Variants in SIAE observed in about 807,000 individuals in gnomAD.
SIAE encodes the protein sialate O-acetylesterase.
SIAE carries 39 observed loss-of-function variants against 52.6 expected under a neutral mutation model. That is an observed-to-expected ratio of 0.74 (90% confidence interval 0.57 to 0.97). The LOEUF is 0.97. Among genes scored for constraint, SIAE ranks in the 50% least tolerant of loss-of-function variants. The pLI is 0.00. For synonymous variants in SIAE, 233 were observed against 241.4 expected, an observed-to-expected ratio of 0.97 and a Z score of 0.32; for missense variants, 592 against 662.1, an observed-to-expected ratio of 0.89 and a Z score of 1.16.
At chr11:124,668,409 G>A (rs1326561549) in intron 2 of SIAE, among the ~76,000 whole-genome samples, 1 of 152,222 alleles carries the variant, frequency 6.6e-6, no homozygotes, top group African/African-American at 2.4e-5. Flanking sequence ...CATTAAGGAA[G>A]AGGACATATC....
rs558854684 is a variant in SIAE, at chr11:124,638,483, G to A, written c.1320+59C>T. 3.8e-5 allele frequency: 60 copies of A among 1,568,564 alleles called. 1 individual carries two copies. Among genetic ancestry groups the A allele is most frequent in the South Asian group, 2.9e-4 (26 of 89,728 alleles). On this transcript the variant is annotated intron_variant, in intron 9 of 9. Coordinates refer to ENST00000263593, the MANE Select transcript of SIAE (RefSeq NM_170601.5). ...TAACAAAAGAGATGGCCTCAAGTGCGGAGGAAATCTTGACTCCACCACAAA... is the reference window on the plus strand; with the variant it reads ...TAACAAAAGAGATGGCCTCAAGTGCAGAGGAAATCTTGACTCCACCACAAA...
chr11:124,635,088 C>T lies in SIAE; in HGVS notation c.*1863G>A, dbSNP rs1435115185. Reference sequence around the variant, plus strand: ...TTTTCACACTATGTACTCTAGGTTCCTGGAGGTGAAAGGAATCTGGACTTA... The same window carrying T: ...TTTTCACACTATGTACTCTAGGTTCTTGGAGGTGAAAGGAATCTGGACTTA... On this transcript the variant is annotated 3_prime_UTR_variant, in exon 10 of 10. Transcript: ENST00000263593. The T allele has an allele frequency of 6.6e-6, 1 of 152,160 alleles. No homozygotes were observed. The allele number at this position is 152,160 out of a possible 1,614,324, so 9.4% of individuals were successfully genotyped here.
At chr11:124,673,218 C>T (rs1943396501) in intron 1 of SIAE, among the ~76,000 whole-genome samples, 1 of 152,186 alleles carries the variant, frequency 6.6e-6, no homozygotes, top group African/African-American at 2.4e-5. Flanking sequence ...GCAAACCCTC[C>T]CCAAGGGCAC....
chr11:124,661,438 A>G (rs572129837), intron 2 of SIAE, among the ~76,000 whole-genome samples: 6 of 152,298 alleles, frequency 3.9e-5, no homozygotes, highest in Non-Finnish European at 8.8e-5. Context: ...AATTTGCCCA[A>G]TTAATTATTT....
chr11:124,674,608 C>G (rs930406749), upstream of SIAE: 2 of 152,130 alleles, frequency 1.3e-5, no homozygotes, highest in African/African-American at 4.8e-5. Context: ...AAGAAGAAAC[C>G]GAAAAATATA....
chr11:124,673,288 C>T (rs1943398803), intron 1 of SIAE, among the ~76,000 whole-genome samples: 1 of 152,224 alleles, frequency 6.6e-6, no homozygotes, highest in Admixed American at 6.5e-5. Flanking sequence ...CCAAATATTA[C>T]CTAACTAGCT....
intron 2 of SIAE, among the ~76,000 whole-genome samples, chr11:124,666,708 C>T (rs770692999): frequency 3.3e-5 from 5 of 152,206 alleles, no homozygotes; most frequent in Non-Finnish European, 5.9e-5. Context: ...GCCTAAACTA[C>T]TAAATGTGTA....
At chr11:124,676,081 A>G (rs1387206104), upstream of SIAE, 1 of 152,212 alleles carries the variant, frequency 6.6e-6, no homozygotes, top group African/African-American at 2.4e-5. Flanking sequence ...CTTCACTCCT[A>G]TAAATAAAAT....
chr11:124,651,035 A>G (rs1432694849), intron 4 of SIAE, among the ~76,000 whole-genome samples: 2 of 152,188 alleles, frequency 1.3e-5, no homozygotes, highest in African/African-American at 4.8e-5. Context: ...CAAGGATGGG[A>G]TCAGTTCAGC....
intron 8 of SIAE, among the ~76,000 whole-genome samples, chr11:124,639,096 G>T (rs1332396811): frequency 6.6e-6 from 1 of 152,170 alleles, no homozygotes; most frequent in Non-Finnish European, 1.5e-5. Context: ...GGAATCAGCT[G>T]ATTCATTATT....
chr11:124,657,077 C>G (rs1458715292), intron 3 of SIAE, among the ~76,000 whole-genome samples: 1 of 152,192 alleles, frequency 6.6e-6, no homozygotes, highest in Non-Finnish European at 1.5e-5. Flanking sequence ...TGAGATAGCT[C>G]TTTTGATCAC....
At chr11:124,673,745 A>G (rs1591400176), upstream of SIAE, 1 of 1,608,086 alleles carries the variant, frequency 6.2e-7, no homozygotes, top group Non-Finnish European at 8.5e-7. Flanking sequence ...GGACTGGGAA[A>G]GTGGGTTCCC....
At chr11:124,660,435 T>A (rs764271427) in intron 3 of SIAE, 193 bp downstream of exon 3, 15 of 687,156 alleles carry the variant, frequency 2.2e-5, no homozygotes. Flanking sequence ...AACTACCAAT[T>A]TAATCAATAG....
chr11:124,654,942 T>C, intron 3 of SIAE, 149 bp from the exon 4 acceptor site: 2 of 856,314 alleles, frequency 2.3e-6, no homozygotes, highest in East Asian at 4.9e-5. Flanking sequence ...CTGAATCACC[T>C]TGATCCACTT....
chr11:124,651,040 T>C (rs1943009095), intron 4 of SIAE, among the ~76,000 whole-genome samples: 1 of 152,158 alleles, frequency 6.6e-6, no homozygotes, highest in Admixed American at 6.5e-5. Context: ...ATGGGATCAG[T>C]TCAGCCCAAG....
At chr11:124,665,035 A>G (rs1164876605) in intron 2 of SIAE, among the ~76,000 whole-genome samples, 3 of 152,170 alleles carry the variant, frequency 2.0e-5, no homozygotes, top group African/African-American at 7.2e-5. Flanking sequence ...CATCTCCACC[A>G]TCAAATATGA....
chr11:124,647,345 A>G lies in SIAE; in HGVS notation c.966+20T>C, dbSNP rs1942950507. On this transcript the variant is annotated intron_variant, in intron 7 of 9. Transcript: ENST00000263593. ...GAACAGGTGTTGACATGAACAGAGA[A>G]GCCTTTACCCACATCGTACCTGGAC... is the stretch of plus-strand genomic sequence containing the variant. 1 of 1,614,186 alleles carries G rather than the reference A, an allele frequency of 6.2e-7. No individual in the cohort carries two copies. Among genetic ancestry groups the G allele is most frequent in the Non-Finnish European group, 8.5e-7 (1 of 1,180,018 alleles).
At position 124,637,011 on chromosome 11, in the gene SIAE, A is replaced by G; in HGVS notation, c.1512T>C (p.Pro504=). 1 of 1,614,118 alleles carries G rather than the reference A, an allele frequency of 6.2e-7. No homozygotes were observed. Residue 504 remains proline (P), a synonymous_variant, in exon 10 of 10, where the codon CCT becomes CCC. Transcript: ENST00000263593. ...LYHPSSALPA[P]PFIAFITDQG... ...GGTCTGTAATGAAAGCAATGAAGGG[A>G]GGGGCTGGCAGGGCACTACTGGGGT...
At chr11:124,673,274 G>C (rs1049335745) in intron 1 of SIAE, among the ~76,000 whole-genome samples, 1 of 152,196 alleles carries the variant, frequency 6.6e-6, no homozygotes, top group African/African-American at 2.4e-5. Context: ...TCAGTCACCT[G>C]TTTCCAAATA....
Sources: allele counts gnomAD v4.1 joint callset (sites outside exome capture counted in the v4.1 genomes callset), GRCh38; gene constraint gnomAD v4.1.1; transcripts MANE v1.5; gene names NCBI Gene and HGNC (gene_info 2026-07-23, HGNC 2026-07-21).